PACRG: variants seen among roughly 807,000 people sequenced by gnomAD.
The protein encoded by PACRG is parkin coregulated gene protein.
In PACRG, 29 loss-of-function variants were observed where a neutral mutation model predicts 29.7. That is an observed-to-expected ratio of 0.98 (90% CI 0.73 to 1.33). The LOEUF (loss-of-function observed/expected upper bound fraction) is 1.33, where lower values mean the gene tolerates loss of function less well. PACRG is among the 40% of genes most tolerant of loss of function. The pLI is 0.00. For synonymous variants in PACRG, 116 were observed against 118.7 expected (o/e 0.98, Z 0.15); for missense variants, 279 against 316.2 (o/e 0.88, Z 0.89).
chr6:163,153,660 A>T (rs1452041070), intron 4 of PACRG, among the ~76,000 whole-genome samples: 1 of 152,232 alleles, frequency 6.6e-6, no homozygotes, highest in East Asian at 1.9e-4. Flanking sequence ...ATACAATGGA[A>T]GTCAATAAAG....
intron 4 of PACRG, among the ~76,000 whole-genome samples, chr6:163,146,701 T>C (rs1179651576): frequency 6.6e-6 from 1 of 152,238 alleles, no homozygotes; most frequent in Non-Finnish European, 1.5e-5. Context: ...TCAACCTCAC[T>C]CCTCAAAGGA....
chr6:162,805,014 A>G (rs976742683), intron 1 of PACRG, among the ~76,000 whole-genome samples: 5 of 152,174 alleles, frequency 3.3e-5, no homozygotes, highest in African/African-American at 1.2e-4. Context: ...ACTGTATTGA[A>G]TGCTGTAGGT....
chr6:163,289,020 C>T (rs897785739), intron 4 of PACRG, among the ~76,000 whole-genome samples: 3 of 152,134 alleles, frequency 2.0e-5, no homozygotes, highest in South Asian at 2.1e-4. Flanking sequence ...CCTCCATCAG[C>T]GAGGACAGGC....
chr6:163,180,829 A>G (rs1779618199), intron 4 of PACRG, among the ~76,000 whole-genome samples: 1 of 152,158 alleles, frequency 6.6e-6, no homozygotes. Flanking sequence ...ATTATTCACT[A>G]ATTATTAACA....
intron 2 of PACRG, among the ~76,000 whole-genome samples, chr6:162,859,617 C>T (rs1476320): frequency 0.027 from 4,079 of 152,184 alleles, 74 homozygotes; most frequent in Middle Eastern, 0.082. Flanking sequence ...ACCATAAAAC[C>T]TAGAAAGGCC....
rs763961063 is a variant in PACRG at position 162,728,276 on chromosome 6, C to T, written c.41C>T (p.Pro14Leu). ...EKETLSLNKC[P>L]DKMPKRTKLL... ...GAGACCCTGAGCTTAAACAAATGCCCAGACAAGATGCCGAAGAGGACCAAG... is the reference window on the plus strand; with the variant it reads ...GAGACCCTGAGCTTAAACAAATGCCTAGACAAGATGCCGAAGAGGACCAAG... Residue 14 changes from proline to leucine, a missense_variant, in exon 1 of 5, where the codon CCA (proline) becomes CTA (leucine). Pro to Leu is a moderately conservative substitution (Grantham distance 98). Transcript: ENST00000366888. 1 of 1,613,864 alleles carries T rather than the reference C, an allele frequency of 6.2e-7. No individual in the cohort carries two copies. The highest frequency in any genetic ancestry group is 1.3e-5 in the African/African-American group (1 of 74,888).
chr6:163,210,098 G>A lies in PACRG; in HGVS notation c.614-104729G>A, dbSNP rs1038367237. 4.6e-5 allele frequency among the ~76,000 whole-genome samples: 7 copies of A among 152,064 alleles called. No individual in the cohort carries two copies. In the East Asian group the frequency reaches 1.2e-3, roughly 25 times the overall value. On this transcript the variant is annotated intron_variant, in intron 4 of 4. Coordinates refer to ENST00000366888, the MANE Select transcript of PACRG (RefSeq NM_001080379.2). Reference sequence around the variant, plus strand: ...CACCCGTCATGCTCATGAGAGTCACGGCCTACGCTTCCACATACTTTTAAA... The same window carrying A: ...CACCCGTCATGCTCATGAGAGTCACAGCCTACGCTTCCACATACTTTTAAA...
chr6:163,179,769 A>T (rs4709680), intron 4 of PACRG, among the ~76,000 whole-genome samples: 1 of 151,764 alleles, frequency 6.6e-6, no homozygotes, highest in African/African-American at 2.4e-5. Context: ...ATGAGTTCCC[A>T]TCCACTCTGT....
intron 2 of PACRG, among the ~76,000 whole-genome samples, chr6:163,056,903 A>C (rs182457569): frequency 6.6e-6 from 1 of 152,222 alleles, no homozygotes; most frequent in Admixed American, 6.5e-5. Context: ...ATGTTGTCAA[A>C]CTTTAGCAGC....
intron 1 of PACRG, among the ~76,000 whole-genome samples, chr6:162,738,536 T>A: frequency 6.6e-6 from 1 of 152,304 alleles, no homozygotes; most frequent in African/African-American, 2.4e-5. Flanking sequence ...TTCTTCCTAG[T>A]TCTGTTTGTG....
chr6:163,212,783 C>CT (rs34101369), intron 4 of PACRG, among the ~76,000 whole-genome samples: 35,119 of 144,032 alleles, frequency 0.24, 4,236 homozygotes, highest in African/African-American at 0.3. Flanking sequence ...AACTGATAAT[C>CT]TTTTTTTTTT....
intron 4 of PACRG, among the ~76,000 whole-genome samples, chr6:163,110,759 G>T (rs1407503203): frequency 6.6e-6 from 1 of 152,204 alleles, no homozygotes. Context: ...TGTTGTGTTG[G>T]CAGGAAACCA....
chr6:162,855,267 G>C (rs141989575), intron 2 of PACRG, among the ~76,000 whole-genome samples: 2 of 152,188 alleles, frequency 1.3e-5, no homozygotes, highest in Admixed American at 6.5e-5. Flanking sequence ...CACACAAAAA[G>C]AACACAGTAC....
At chr6:162,762,592 C>T (rs997029816) in intron 1 of PACRG, among the ~76,000 whole-genome samples, 1 of 152,124 alleles carries the variant, frequency 6.6e-6, no homozygotes, top group South Asian at 2.1e-4. Context: ...CTTTAGAAAA[C>T]GATGTCTATT....
At chr6:163,099,081 C>G (rs920642396) in intron 4 of PACRG, among the ~76,000 whole-genome samples, 11 of 152,312 alleles carry the variant, frequency 7.2e-5, no homozygotes, top group African/African-American at 2.6e-4. Flanking sequence ...GGGGATGCAG[C>G]CCAGTGGGTC....
rs112678299 is a variant in PACRG, at chr6:163,023,159, G to T, written c.292-38991G>T. 6.7e-3 allele frequency among the ~76,000 whole-genome samples: 1,019 copies of T among 152,310 alleles called. 14 individuals are homozygous for T. The highest frequency in any genetic ancestry group is 0.023 in the African/African-American group (959 of 41,564). On this transcript the variant is annotated intron_variant, in intron 2 of 4. Transcript: ENST00000366888. ...GAATATTGCATGATGCTGGGGCTGG[G>T]AGTAGGAATCCCGTCACCCTGGCCA...
At chr6:162,900,013 G>A (rs1469036400) in intron 2 of PACRG, among the ~76,000 whole-genome samples, 1 of 152,084 alleles carries the variant, frequency 6.6e-6, no homozygotes, top group African/African-American at 2.4e-5. Flanking sequence ...GGAGCAAAAG[G>A]GTCTGGCTGT....
Position 163,184,555 on chromosome 6 carries a change from C to T in PACRG, c.613+95147C>T, listed in dbSNP as rs571742749. 5.3e-5 allele frequency among the ~76,000 whole-genome samples: 8 copies of T among 152,170 alleles called. No homozygotes were observed. In the South Asian group the frequency reaches 1.2e-3, roughly 24 times the overall value. ...TACTAAGGGCTTCGAAAACCCAAAT[C>T]GAAAAAGGAAGCACATAAACAATGT... On this transcript the variant is annotated intron_variant, in intron 4 of 4. Coordinates refer to ENST00000366888, the MANE Select transcript of PACRG (RefSeq NM_001080379.2).
At position 163,174,508 on chromosome 6, in the gene PACRG, G is replaced by A. The variant is rs566913589; in HGVS notation, c.613+85100G>A. ...CATAGAGAGACTGTATAGAATCATA[G>A]TGCAAGAAAGTGCCTTCAAAAATGA... On this transcript the variant is annotated intron_variant, in intron 4 of 4. Coordinates refer to ENST00000366888, the MANE Select transcript of PACRG (RefSeq NM_001080379.2). 2.0e-5 allele frequency among the ~76,000 whole-genome samples: 3 copies of A among 152,282 alleles called. No individual in the cohort carries two copies. The East Asian group carries it at 5.8e-4, about 29-fold the overall frequency.
Sources: gnomAD v4.1 joint callset for allele counts (sites outside exome capture counted in the v4.1 genomes callset) on GRCh38, gnomAD v4.1.1 for gene constraint, MANE v1.5 for transcripts, NCBI Gene and HGNC (gene_info 2026-07-23, HGNC 2026-07-21) for gene names.